Variants in DNAI7 observed in about 807,000 individuals in gnomAD.
DNAI7 encodes dynein axonemal intermediate chain 7, also known as cancer susceptibility 1.
In DNAI7, 78 loss-of-function variants were observed where a neutral mutation model predicts 86.6. The observed-to-expected ratio is 0.90, with a 90% CI of 0.75 to 1.09. The LOEUF (loss-of-function observed/expected upper bound fraction) is 1.09, where lower values mean the gene tolerates loss of function less well. Ranked by LOEUF, DNAI7 falls within the 50% of genes least tolerant of loss-of-function variation. The pLI, the probability that DNAI7 is intolerant of heterozygous loss-of-function variation, is 0.00. For synonymous variants in DNAI7, 274 were observed against 273.0 expected (o/e 1.00, Z -0.04); for missense variants, 753 against 810.2 (o/e 0.93, Z 0.86).
In DNAI7 at chr12:25,158,581, A is replaced by T. The variant is rs778862038; in HGVS notation, c.107-18T>A. On this transcript the variant is annotated intron_variant, in intron 3 of 15. Transcript: ENST00000395987. Reference sequence around the variant, plus strand: ...GGCTTCCTCTAAAGAACCAAAAATAATTTTTTTCTCAGTGAATAGATCACT... The same window carrying T: ...GGCTTCCTCTAAAGAACCAAAAATATTTTTTTTCTCAGTGAATAGATCACT... The T allele has an allele frequency of 6.2e-7, 1 of 1,603,408 alleles. No individual in the cohort carries two copies. Among genetic ancestry groups the T allele is most frequent in the Non-Finnish European group, 8.5e-7 (1 of 1,174,670 alleles).
chr12:25,161,313 T>G lies in DNAI7; in HGVS notation c.22-116A>C. ...TTGCTTTCATAAAACCAGCCTTTCA[T>G]GCATTCATTCAACAAATAAGACTGC... On this transcript the variant is annotated intron_variant, in intron 2 of 15. Transcript: ENST00000395987. The G allele has an allele frequency of 3.5e-6, 3 of 852,856 alleles. No homozygotes were observed. The South Asian group carries it at 4.3e-5, about 12-fold the overall frequency. The allele number at this position is 852,856 out of a possible 1,614,324, so 52.8% of individuals were successfully genotyped here.
chr12:25,162,124 A>T (rs560635040), intron 2 of DNAI7, among the ~76,000 whole-genome samples: 2 of 152,174 alleles, frequency 1.3e-5, no homozygotes, highest in South Asian at 4.1e-4. Flanking sequence ...AAAAGAAGGA[A>T]ATGAAGGTGC....
At chr12:25,188,334 A>G (rs760416585) in intron 2 of DNAI7, among the ~76,000 whole-genome samples, 21 of 152,148 alleles carry the variant, frequency 1.4e-4, no homozygotes, top group South Asian at 1.0e-3. Flanking sequence ...AAATTTATGA[A>G]AAGATGTACA....
intron 9 of DNAI7, among the ~76,000 whole-genome samples, chr12:25,127,077 GTAC>G (rs1355766697): frequency 1.4e-5 from 2 of 147,044 alleles, no homozygotes; most frequent in African/African-American, 4.9e-5. Flanking sequence ...TAAAAAAATT[GTAC>G]TACTCTTTAG....
At chr12:25,137,081 C>T (rs1314932044) in intron 9 of DNAI7, among the ~76,000 whole-genome samples, 2 of 152,070 alleles carry the variant, frequency 1.3e-5, no homozygotes, top group African/African-American at 2.4e-5. Flanking sequence ...GGAAATTTAT[C>T]GTAAAAAGAT....
intron 2 of DNAI7, among the ~76,000 whole-genome samples, chr12:25,179,786 T>C (rs1278657389): frequency 6.6e-6 from 1 of 150,668 alleles, no homozygotes; most frequent in Middle Eastern, 3.4e-3. Flanking sequence ...AATGAACATA[T>C]CTCAAACTAG....
chr12:25,188,764 A>C (rs994085079), intron 2 of DNAI7, among the ~76,000 whole-genome samples: 1 of 152,186 alleles, frequency 6.6e-6, no homozygotes, highest in Non-Finnish European at 1.5e-5. Flanking sequence ...CTTTCAGAGA[A>C]ACAATACTAT....
chr12:25,159,513 A>G (rs1426506377), intron 3 of DNAI7, among the ~76,000 whole-genome samples: 1 of 152,092 alleles, frequency 6.6e-6, no homozygotes, highest in African/African-American at 2.4e-5. Flanking sequence ...CCACAATAAT[A>G]TTTTTCTTCT....
intron 3 of DNAI7, among the ~76,000 whole-genome samples, chr12:25,159,354 A>G (rs1252927901): frequency 6.6e-6 from 1 of 152,118 alleles, no homozygotes. Flanking sequence ...TCTTATCAAG[A>G]GTAATTTAAA....
rs557020494 is a variant in DNAI7 at position 25,174,129 on chromosome 12, G to GGTTT, written c.22-12936_22-12933dup. ...CATGTCCTTAGCCCACTTTTTGATG[G>GGTTT]GTTTGTTTTTTTCTTACTGATGTGC... On this transcript the variant is annotated intron_variant, in intron 2 of 15. Transcript: ENST00000395987. 6.1e-3 allele frequency among the ~76,000 whole-genome samples: 894 copies of GGTTT among 146,600 alleles called. 9 individuals are homozygous for GGTTT. Among genetic ancestry groups the GGTTT allele is most frequent in the African/African-American group, 0.021 (836 of 40,218 alleles).
At chr12:25,152,234 C>T (rs1226577496) in intron 6 of DNAI7, among the ~76,000 whole-genome samples, 1 of 152,184 alleles carries the variant, frequency 6.6e-6, no homozygotes, top group Non-Finnish European at 1.5e-5. Context: ...TATGATGAGT[C>T]TCAGAGGATG....
chr12:25,107,708 C>CAGTTTTGGGGGTA (rs1565598137), downstream of DNAI7: 1 of 989,810 alleles, frequency 1.0e-6, no homozygotes. Context: ...GATTAAAAGG[C>CAGTTTTGGGGGTA]AGTTTTGGGG....
intron 15 of DNAI7, among the ~76,000 whole-genome samples, chr12:25,109,387 TTTG>T (rs1949589025): frequency 6.6e-6 from 1 of 151,346 alleles, no homozygotes; most frequent in Non-Finnish European, 1.5e-5. Context: ...AAAGCCTCCA[TTTG>T]TTGTTTTTTT....
intron 4 of DNAI7, among the ~76,000 whole-genome samples, chr12:25,157,625 G>C (rs1012745828): frequency 6.6e-6 from 1 of 151,948 alleles, no homozygotes; most frequent in Non-Finnish European, 1.5e-5. Flanking sequence ...GTTAATGTAA[G>C]CAGTTTAAAA....
intron 12 of DNAI7, among the ~76,000 whole-genome samples, chr12:25,117,250 T>C (rs918662942): frequency 1.3e-5 from 2 of 152,186 alleles, no homozygotes; most frequent in South Asian, 2.1e-4. Flanking sequence ...TTTTAATACA[T>C]AGACTATTTC....
chr12:25,175,013 A>G (rs944801046), intron 2 of DNAI7, among the ~76,000 whole-genome samples: 2 of 152,010 alleles, frequency 1.3e-5, no homozygotes, highest in Non-Finnish European at 2.9e-5. Context: ...GGTGCAGTGT[A>G]TACTGCTCGG....
intron 9 of DNAI7, among the ~76,000 whole-genome samples, chr12:25,126,194 TGGAGTGAGGCATGCTA>T (rs1942112193): frequency 6.6e-6 from 1 of 152,104 alleles, no homozygotes; most frequent in African/African-American, 2.4e-5. Context: ...CAGGTATAGC[TGGAGTGAGGCATGCTA>T]GGAGGGTGTA....
At chr12:25,139,969 A>T (rs983794035) in intron 9 of DNAI7, among the ~76,000 whole-genome samples, 4 of 152,220 alleles carry the variant, frequency 2.6e-5, no homozygotes, top group Non-Finnish European at 5.9e-5. Flanking sequence ...AGAATTAAAA[A>T]CAAAGCATCT....
At position 25,168,577 on chromosome 12, in the gene DNAI7, C is replaced by T. The variant is rs1260438875; in HGVS notation, c.22-7380G>A. Among the ~76,000 whole-genome samples, 4 of 152,134 alleles carry T rather than the reference C, an allele frequency of 2.6e-5. No homozygotes were observed. The South Asian group carries it at 6.2e-4, about 24-fold the overall frequency. The stretch of plus-strand genomic sequence containing the variant: ...AGCTGCAGTTGTCCTCCAAAACCGC[C>T]GAGGCCTTGACTTACTCACTGCTGA... On this transcript the variant is annotated intron_variant, in intron 2 of 15. Coordinates refer to ENST00000395987, the MANE Select transcript of DNAI7 (RefSeq NM_018272.5).
Sources: gnomAD v4.1 joint callset for allele counts (sites outside exome capture counted in the v4.1 genomes callset) on GRCh38, gnomAD v4.1.1 for gene constraint, MANE v1.5 for transcripts, NCBI Gene and HGNC (gene_info 2026-07-23, HGNC 2026-07-21) for gene names.